The following GDAP1 variants were observed in gnomAD, a reference collection of about 807,000 sequenced individuals.
GDAP1 encodes the protein ganglioside-induced differentiation-associated protein 1.
Under a neutral mutation model 40.1 loss-of-function variants are expected in GDAP1, and 34 were observed. The observed-to-expected ratio is 0.85, with a 90% confidence interval of 0.64 to 1.13. The LOEUF is 1.13. Ranked by LOEUF, GDAP1 falls within the 50% of genes most tolerant of loss-of-function variation. The probability of loss-of-function intolerance (pLI) is 0.00; values close to 1 mark genes in which losing one functional copy is unlikely to be tolerated. For synonymous variants in GDAP1, 170 were observed against 157.4 expected, an observed-to-expected ratio of 1.08 and a Z score of -0.60; for missense variants, 374 against 433.7, an observed-to-expected ratio of 0.86 and a Z score of 1.22.
chr8:74,362,716 G>A (rs1164284321), intron 4 of GDAP1, among the ~76,000 whole-genome samples: 1 of 150,964 alleles, frequency 6.6e-6, no homozygotes, highest in Admixed American at 6.6e-5. Flanking sequence ...CTGCCAGTGA[G>A]TGGTGGGTCT....
intron 2 of GDAP1, among the ~76,000 whole-genome samples, chr8:74,422,043 G>A (rs1805863325): frequency 6.6e-6 from 1 of 152,072 alleles, no homozygotes; most frequent in Non-Finnish European, 1.5e-5. Context: ...CATTTAAGGA[G>A]ACAGGTTAAA....
intron 2 of GDAP1, among the ~76,000 whole-genome samples, chr8:74,358,662 T>C (rs1809214062): frequency 6.6e-6 from 1 of 152,166 alleles, no homozygotes; most frequent in Non-Finnish European, 1.5e-5. Context: ...GAAAAAGTAA[T>C]TAACGTCTTA....
intron 2 of GDAP1, among the ~76,000 whole-genome samples, chr8:74,418,872 A>G (rs1805820845): frequency 6.6e-6 from 1 of 152,084 alleles, no homozygotes; most frequent in Non-Finnish European, 1.5e-5. Flanking sequence ...TAGACAAAAG[A>G]CTTTAACAGA....
At chr8:74,361,049 T>C (rs1174489450) in intron 3 of GDAP1, among the ~76,000 whole-genome samples, 2 of 152,040 alleles carry the variant, frequency 1.3e-5, no homozygotes, top group African/African-American at 4.8e-5. Flanking sequence ...CTCCTTTTCC[T>C]CTCCTCTCCC....
rs1563437086 is a variant in GDAP1, at chr8:74,350,585, C to G, written c.117+7C>G. The stretch of plus-strand genomic sequence containing the variant: ...TTCCTTCAGCTCTCAAAAGGTACAA[C>G]AGGCCTTGGCGGCGGAGGGTGGCGC... On this transcript the variant is annotated splice_region_variant and intron_variant, in intron 1 of 5. Transcript: ENST00000220822. The G allele has an allele frequency of 5.3e-6, 8 of 1,515,168 alleles. No individual in the cohort carries two copies. In the South Asian group the frequency reaches 9.0e-5, roughly 17 times the overall value. 93.9% of individuals were successfully genotyped at this position (1,515,168 alleles called of 1,614,324 possible).
chr8:74,350,688 G>A lies in GDAP1; in HGVS notation c.117+110G>A. 9 of 810,648 alleles carry A rather than the reference G, an allele frequency of 1.1e-5. No individual in the cohort carries two copies. In the South Asian group the frequency reaches 1.2e-4, roughly 11 times the overall value. The allele number at this position is 810,648 out of a possible 1,614,324, so 50.2% of individuals were successfully genotyped here. ...CGGTCCACCTAGAAATCCGCCTCCA[G>A]TGTCCTGACCCCGGGCAGGCGCTCC... On this transcript the variant is annotated intron_variant, in intron 1 of 5. Transcript: ENST00000220822.
At chr8:74,395,220 C>T (rs1383109711) in intron 2 of GDAP1, among the ~76,000 whole-genome samples, 3 of 152,142 alleles carry the variant, frequency 2.0e-5, no homozygotes, top group African/African-American at 4.8e-5. Flanking sequence ...TGAGTATGGA[C>T]ACCACTTCAA....
chr8:74,485,425 C>T lies in GDAP1; in HGVS notation c.166-3253C>T, dbSNP rs116483362. On this transcript the variant is annotated intron_variant, in intron 2 of 2. Coordinates refer to the GDAP1 transcript ENST00000523640. ...TGATATCTAAAAGTCACTATTAATA[C>T]CTTCTTTTTACTCTCAGTTTGGGTG... Among the ~76,000 whole-genome samples the T allele has an allele frequency of 6.3e-3, 963 of 152,234 alleles. 13 individuals carry two copies. Among genetic ancestry groups the T allele is most frequent in the African/African-American group, 0.016 (684 of 41,544 alleles).
intron 2 of GDAP1, among the ~76,000 whole-genome samples, chr8:74,446,751 A>C (rs997517714): frequency 9.9e-5 from 15 of 152,224 alleles, no homozygotes; most frequent in African/African-American, 3.6e-4. Flanking sequence ...GTACTGATAC[A>C]TGTTACAACA....
In GDAP1 at chr8:74,366,274, A is replaced by G. The variant is rs1243155876; in HGVS notation, c.*1907A>G. On this transcript the variant is annotated 3_prime_UTR_variant, in exon 6 of 6. Coordinates refer to ENST00000220822, the MANE Select transcript of GDAP1 (RefSeq NM_018972.4). The stretch of plus-strand genomic sequence containing the variant: ...TTTTAAGGTGTTTGTTTAGGGATAC[A>G]ATGACCACTAGATGTCGCTGTTTAT... 15 of 454,332 alleles carry G rather than the reference A, an allele frequency of 3.3e-5. No homozygotes were observed. The highest frequency in any genetic ancestry group is 6.6e-5 in the Non-Finnish European group (15 of 226,778). 28.1% of individuals were successfully genotyped at this position (454,332 alleles called of 1,614,324 possible).
downstream of GDAP1, among the ~76,000 whole-genome samples, chr8:74,369,920 G>A (rs1317486130): frequency 1.3e-5 from 2 of 152,184 alleles, no homozygotes; most frequent in Admixed American, 1.3e-4. Flanking sequence ...TGCTGATGGG[G>A]TGGGAAGGGG....
At chr8:74,463,741 G>T (rs1405871816) in intron 2 of GDAP1, among the ~76,000 whole-genome samples, 1 of 152,090 alleles carries the variant, frequency 6.6e-6, no homozygotes, top group African/African-American at 2.4e-5. Flanking sequence ...GTAGAAATTG[G>T]AATATCAACC....
chr8:74,438,397 C>T (rs1806120018), intron 2 of GDAP1, among the ~76,000 whole-genome samples: 1 of 152,158 alleles, frequency 6.6e-6, no homozygotes, highest in South Asian at 2.1e-4. Flanking sequence ...GAGAATTTGA[C>T]TTGTCCAAGT....
chr8:74,421,892 T>C (rs916217164), intron 2 of GDAP1, among the ~76,000 whole-genome samples: 2 of 152,234 alleles, frequency 1.3e-5, no homozygotes, highest in African/African-American at 4.8e-5. Flanking sequence ...ATATGACTCA[T>C]GTGACATTAG....
intron 2 of GDAP1, among the ~76,000 whole-genome samples, chr8:74,442,724 A>G (rs141151185): frequency 6.6e-6 from 1 of 152,338 alleles, no homozygotes; most frequent in Non-Finnish European, 1.5e-5. Flanking sequence ...GAGCAAATGT[A>G]AAGACTGAAT....
At chr8:74,410,083 A>G (rs1243175667) in intron 2 of GDAP1, among the ~76,000 whole-genome samples, 2 of 150,020 alleles carry the variant, frequency 1.3e-5, no homozygotes, top group African/African-American at 2.5e-5. Context: ...CACTAAAGAT[A>G]ATGGAGAGAG....
In GDAP1 at chr8:74,398,309, G is replaced by T. The variant is rs111372005; in HGVS notation, c.165+46988G>T. On this transcript the variant is annotated intron_variant, in intron 2 of 2. Transcript: ENST00000523640. The stretch of plus-strand genomic sequence containing the variant: ...CAACCCCTGCCTTTGTTTTGTTTTC[G>T]TTTGCTTGGTAGATCTTCCTCCATC... Among the ~76,000 whole-genome samples, 649 of 151,964 alleles carry T rather than the reference G, an allele frequency of 4.3e-3. 4 individuals carry two copies. Among genetic ancestry groups the T allele is most frequent in the Middle Eastern group, 0.014 (4 of 294 alleles).
At chr8:74,413,564 C>G (rs1805741681) in intron 2 of GDAP1, among the ~76,000 whole-genome samples, 1 of 149,844 alleles carries the variant, frequency 6.7e-6, no homozygotes. Flanking sequence ...TTCCCCCACT[C>G]TGTTTTCTCA....
intron 2 of GDAP1, among the ~76,000 whole-genome samples, chr8:74,374,669 T>C (rs1319374136): frequency 1.3e-5 from 2 of 152,112 alleles, no homozygotes; most frequent in Non-Finnish European, 2.9e-5. Flanking sequence ...AGAAGGGATG[T>C]CACTACATAT....
Sources: allele counts gnomAD v4.1 joint callset (sites outside exome capture counted in the v4.1 genomes callset), GRCh38; gene constraint gnomAD v4.1.1; transcripts MANE v1.5; gene names NCBI Gene and HGNC (gene_info 2026-07-23, HGNC 2026-07-21).